MYZAP: variants seen among roughly 807,000 people sequenced by gnomAD.
The protein encoded by MYZAP is myocardial zonula adherens protein, also known as GRINL1A complex locus upstream.
MYZAP carries 66 observed loss-of-function variants against 69.4 expected under a neutral mutation model. The observed-to-expected ratio is 0.95, with a 90% CI of 0.78 to 1.17. The LOEUF (loss-of-function observed/expected upper bound fraction) is 1.17. MYZAP is among the 50% of genes most tolerant of loss of function. The probability of loss-of-function intolerance (pLI) is 0.00; values close to 1 mark genes in which losing one functional copy is unlikely to be tolerated. For missense variants in MYZAP, 611 were observed against 556.2 expected (o/e 1.10, Z -0.99); for synonymous variants, 256 against 205.9 (o/e 1.24, Z -2.09).
intron 5 of MYZAP, among the ~76,000 whole-genome samples, chr15:57,629,088 C>CAAAAAAAAAAAAAAAAA (rs1274144448): frequency 3.0e-4 from 35 of 115,044 alleles, no homozygotes; most frequent in Non-Finnish European, 3.3e-4. Context: ...GTCTCAAAAA[C>CAAAAAAAAAAAAAAAAA]AAAAAAAAAA....
At chr15:57,642,677 C>T (rs1299197745) in intron 10 of MYZAP, among the ~76,000 whole-genome samples, 1 of 152,174 alleles carries the variant, frequency 6.6e-6, no homozygotes, top group Non-Finnish European at 1.5e-5. Flanking sequence ...TTGTTTAGCT[C>T]AAAATGTCCA....
chr15:57,684,037 C>G (rs1368417225), intron 12 of MYZAP, among the ~76,000 whole-genome samples: 1 of 151,990 alleles, frequency 6.6e-6, no homozygotes, highest in East Asian at 1.9e-4. Flanking sequence ...CAGGTGATCC[C>G]CCTGCCTCGG....
In MYZAP at chr15:57,618,195, C is replaced by T; in HGVS notation, c.318+7C>T. On this transcript the variant is annotated splice_region_variant and intron_variant, in intron 3 of 12. Coordinates refer to ENST00000267853, the MANE Select transcript of MYZAP (RefSeq NM_001018100.5). ...GATGAACTACATCAAAGATGTGAGC[C>T]ATTTAAGAGTTTTTGCCCCCCACCT... 1 of 1,612,084 alleles carries T rather than the reference C, an allele frequency of 6.2e-7. No homozygotes were observed. Among genetic ancestry groups the T allele is most frequent in the Non-Finnish European group, 8.5e-7 (1 of 1,179,174 alleles).
intron 12 of MYZAP, among the ~76,000 whole-genome samples, chr15:57,677,761 C>CT (rs1266687921): frequency 6.6e-6 from 1 of 152,228 alleles, no homozygotes; most frequent in African/African-American, 2.4e-5. Flanking sequence ...GTCCAGTTCC[C>CT]TGCCCAGCCA....
chr15:57,598,076 A>G (rs1020625356), intron 1 of MYZAP, among the ~76,000 whole-genome samples: 39 of 152,168 alleles, frequency 2.6e-4, no homozygotes, highest in African/African-American at 9.2e-4. Flanking sequence ...TCCCTGAATC[A>G]TCTTCTCCAC....
In MYZAP at chr15:57,661,441, T is replaced by C; in HGVS notation, c.1120-9T>C. The stretch of plus-strand genomic sequence containing the variant: ...TTTGATTAACAATTTTCCATCCCTT[T>C]CTTTCTAGATTGAATCATTAAAGAA... On this transcript the variant is annotated splice_polypyrimidine_tract_variant and intron_variant, in intron 10 of 12. Transcript: ENST00000267853. 6.2e-7 allele frequency: 1 copy of C among 1,601,754 alleles called. No homozygotes were observed. The highest frequency in any genetic ancestry group is 8.5e-7 in the Non-Finnish European group (1 of 1,173,582).
At chr15:57,612,722 C>T (rs9920106) in intron 2 of MYZAP, among the ~76,000 whole-genome samples, 46,722 of 151,980 alleles carry the variant, frequency 0.31, 7,439 homozygotes, top group East Asian at 0.55. Context: ...TCTGTAGCTG[C>T]TCTTTCTTTC....
intron 2 of MYZAP, among the ~76,000 whole-genome samples, chr15:57,609,088 T>C (rs2034943282): frequency 6.6e-6 from 1 of 152,188 alleles, no homozygotes; most frequent in South Asian, 2.1e-4. Context: ...GATATATATT[T>C]TTGCAAAATT....
At position 57,625,887 on chromosome 15, in the gene MYZAP, C is replaced by A. The variant is rs747809908; in HGVS notation, c.520C>A (p.Leu174Met). ...NSALASDSIG[L>M]QKTLVDVTLE... The stretch of plus-strand genomic sequence containing the variant: ...AGCCTTGGCATCAGATTCCATTGGC[C>A]TGCAGGTACTCATCTGCTTACTGCT... The change falls in exon 5 of 13, where the codon CTG becomes ATG. Residue 174 changes from leucine (L) to methionine (M), a missense_variant. Physicochemically the swap from Leu to Met is conservative, Grantham distance 15. Transcript: ENST00000267853. The A allele has an allele frequency of 5.6e-6, 9 of 1,613,948 alleles. No homozygotes were observed. The African/African-American group carries it at 8.0e-5, about 14-fold the overall frequency.
chr15:57,646,890 C>T, intron 10 of MYZAP: 1 of 985,370 alleles, frequency 1.0e-6, no homozygotes, highest in Non-Finnish European at 1.2e-6. Context: ...CTGAAACATC[C>T]TTCATGTATG....
intron 11 of MYZAP, 132 bp downstream of exon 11, chr15:57,661,665 C>G: frequency 1.3e-6 from 1 of 777,324 alleles, no homozygotes; most frequent in Non-Finnish European, 2.0e-6. Flanking sequence ...GGTTAAGTGC[C>G]AGCCTTGAAA....
At chr15:57,626,724 A>G (rs1472732364) in intron 5 of MYZAP, among the ~76,000 whole-genome samples, 1 of 152,216 alleles carries the variant, frequency 6.6e-6, no homozygotes, top group Non-Finnish European at 1.5e-5. Flanking sequence ...GGTTCTATAT[A>G]AGTAATTTTA....
intron 5 of MYZAP, 78 bp from the exon 6 acceptor site, chr15:57,629,624 G>A (rs1595886606): frequency 2.6e-6 from 4 of 1,539,168 alleles, no homozygotes; most frequent in African/African-American, 1.4e-5. Flanking sequence ...AATGATAAGG[G>A]GATGCCCCAG....
intron 8 of MYZAP, 30 bp downstream of exon 8, chr15:57,633,771 C>A: frequency 6.7e-7 from 1 of 1,485,938 alleles, no homozygotes; most frequent in Non-Finnish European, 9.0e-7. Flanking sequence ...CTATTGCCCA[C>A]TTGCCCAAAC....
chr15:57,646,117 C>T, intron 10 of MYZAP: 2 of 1,286,828 alleles, frequency 1.6e-6, no homozygotes, highest in Non-Finnish European at 2.0e-6. Context: ...ACCTAATCCA[C>T]TCAATTGAAC....
chr15:57,602,026 C>T (rs2034448622), intron 1 of MYZAP, among the ~76,000 whole-genome samples: 1 of 152,116 alleles, frequency 6.6e-6, no homozygotes, highest in Non-Finnish European at 1.5e-5. Context: ...TGCCACCTGT[C>T]AGGTACATTT....
At chr15:57,603,127 A>AT (rs1279675569) in intron 1 of MYZAP, among the ~76,000 whole-genome samples, 1 of 152,128 alleles carries the variant, frequency 6.6e-6, no homozygotes, top group Non-Finnish European at 1.5e-5. Context: ...TTTCAGTGAA[A>AT]TTTTTTGGCA....
At chr15:57,672,691 A>G (rs899835957) in intron 11 of MYZAP, among the ~76,000 whole-genome samples, 2 of 152,206 alleles carry the variant, frequency 1.3e-5, no homozygotes, top group Non-Finnish European at 2.9e-5. Flanking sequence ...TTGTAGTGGC[A>G]TACATAGCCT....
intron 2 of MYZAP, among the ~76,000 whole-genome samples, chr15:57,612,891 T>C (rs898021218): frequency 6.6e-5 from 10 of 152,202 alleles, no homozygotes; most frequent in Non-Finnish European, 2.9e-5. Context: ...ATTTTCCTTC[T>C]TTCCTACTTT....
Sources: gnomAD v4.1 joint callset for allele counts (sites outside exome capture counted in the v4.1 genomes callset) on GRCh38, gnomAD v4.1.1 for gene constraint, MANE v1.5 for transcripts, NCBI Gene and HGNC (gene_info 2026-07-23, HGNC 2026-07-21) for gene names.